Variants in ARHGAP22 observed in about 807,000 individuals in gnomAD.
The protein encoded by ARHGAP22 is Rho GTPase activating protein 22.
A neutral mutation model predicts 59.1 loss-of-function variants in ARHGAP22; 48 were observed. That is an observed-to-expected ratio of 0.81 (90% CI 0.64 to 1.03). ARHGAP22 has a LOEUF of 1.03. Ranked by LOEUF, ARHGAP22 falls within the 50% of genes least tolerant of loss-of-function variation. ARHGAP22 has a pLI of 0.00. For missense variants in ARHGAP22, 1,015 were observed against 958.7 expected (o/e 1.06, Z -0.78); for synonymous variants, 445 against 416.4 (o/e 1.07, Z -0.84).
At chr10:48,441,483 G>A (rs57521610), downstream of ARHGAP22, among the ~76,000 whole-genome samples, 540 of 143,320 alleles carry the variant, frequency 3.8e-3, 4 homozygotes, top group African/African-American at 0.011. Context: ...ACAGAGTCTC[G>A]CTCTGTCACC....
intron 4 of ARHGAP22, chr10:48,479,298 C>A: frequency 2.4e-6 from 1 of 411,680 alleles, no homozygotes; most frequent in Non-Finnish European, 4.3e-6. Flanking sequence ...CTGGACACCA[C>A]GAGACACATG....
intron 3 of ARHGAP22, among the ~76,000 whole-genome samples, chr10:48,548,962 C>G (rs765043607): frequency 6.6e-6 from 1 of 152,192 alleles, no homozygotes; most frequent in Non-Finnish European, 1.5e-5. Flanking sequence ...CACCGGCCCT[C>G]GGATCCCAGC....
chr10:48,455,095 C>A lies in ARHGAP22; in HGVS notation c.699G>T (p.Leu233=), dbSNP rs773839704. 2 of 1,612,096 alleles carry A rather than the reference C, an allele frequency of 1.2e-6. No homozygotes were observed. Among genetic ancestry groups the A allele is most frequent in the South Asian group, 1.1e-5 (1 of 90,936 alleles). ...DVHTVASLLK[L]YLRELPEPVV... is the part of the protein sequence containing the mutation. ...CGGGCTCGGGGAGCTCCCGCAGGTA[C>A]AGCTTCAGCAGGGAGGCCACCGTGT... The change falls in exon 6 of 10, where the codon CTG becomes CTT. Residue 233 remains leucine, a synonymous_variant. Transcript: ENST00000249601.
chr10:48,606,327 G>C (rs2060671459), upstream of ARHGAP22, among the ~76,000 whole-genome samples: 1 of 152,152 alleles, frequency 6.6e-6, no homozygotes, highest in East Asian at 1.9e-4. Context: ...CTATGGAGAG[G>C]GGAGGACTGC....
intron 5 of ARHGAP22, 49 bp downstream of exon 5, chr10:48,459,635 C>A (rs1411797600): frequency 1.2e-6 from 2 of 1,600,058 alleles, no homozygotes; most frequent in African/African-American, 2.7e-5. Flanking sequence ...GGAGCCCCTG[C>A]AGGAGGAATG....
intron 5 of ARHGAP22, among the ~76,000 whole-genome samples, chr10:48,458,595 G>A (rs1454954345): frequency 6.6e-6 from 1 of 152,180 alleles, no homozygotes; most frequent in South Asian, 2.1e-4. Flanking sequence ...CAGGCACTAG[G>A]GCAGAGCATC....
intron 2 of ARHGAP22, among the ~76,000 whole-genome samples, chr10:48,563,201 T>TTTTTTTTTTTG (rs2057808304): frequency 7.0e-6 from 1 of 143,406 alleles, no homozygotes; most frequent in Non-Finnish European, 1.5e-5. Flanking sequence ...TTTTTTTTTT[T>TTTTTTTTTTTG]TTTTTTTTTT....
At chr10:48,441,191 C>T (rs991875150), downstream of ARHGAP22, among the ~76,000 whole-genome samples, 2 of 152,156 alleles carry the variant, frequency 1.3e-5, no homozygotes, top group Admixed American at 1.3e-4. Context: ...GTGTTGTTTG[C>T]TTGTATGGCC....
At chr10:48,498,951 C>T (rs2051228693) in intron 3 of ARHGAP22, among the ~76,000 whole-genome samples, 1 of 151,718 alleles carries the variant, frequency 6.6e-6, no homozygotes, top group Admixed American at 6.6e-5. Context: ...CTTGGAGGGA[C>T]ATCTGAGAAA....
intron 3 of ARHGAP22, among the ~76,000 whole-genome samples, chr10:48,528,915 A>G (rs1017122213): frequency 3.9e-5 from 6 of 152,190 alleles, no homozygotes; most frequent in Non-Finnish European, 8.8e-5. Flanking sequence ...CCAGAAGCCA[A>G]GCAGATGTTA....
chr10:48,512,114 C>T (rs1325581069), intron 3 of ARHGAP22, among the ~76,000 whole-genome samples: 2 of 152,246 alleles, frequency 1.3e-5, no homozygotes, highest in Non-Finnish European at 2.9e-5. Flanking sequence ...TGTATCTGAC[C>T]TTTAACTTCT....
intron 3 of ARHGAP22, among the ~76,000 whole-genome samples, chr10:48,509,025 C>T (rs564270118): frequency 4.1e-4 from 62 of 152,342 alleles, no homozygotes; most frequent in African/African-American, 1.3e-3. Flanking sequence ...AGAATGCCCG[C>T]GGCTCTGAAA....
chr10:48,611,819 TTCC>T (rs2060898248), intron 1 of ARHGAP22, among the ~76,000 whole-genome samples: 1 of 13,308 alleles, frequency 7.5e-5, no homozygotes, highest in Admixed American at 7.3e-4. Flanking sequence ...TTCCCTTCCC[TTCC>T]CTTCCCTTCC....
At chr10:48,465,378 A>T (rs572119910) in intron 4 of ARHGAP22, among the ~76,000 whole-genome samples, 1 of 152,366 alleles carries the variant, frequency 6.6e-6, no homozygotes, top group Admixed American at 6.5e-5. Flanking sequence ...GAGGAAGCCC[A>T]GGCAGAGCAG....
intron 3 of ARHGAP22, among the ~76,000 whole-genome samples, chr10:48,550,844 C>T (rs1206358192): frequency 6.6e-6 from 1 of 152,212 alleles, no homozygotes; most frequent in Non-Finnish European, 1.5e-5. Flanking sequence ...CCTACCTTCC[C>T]TTTGAGTCGT....
At chr10:48,527,623 A>G (rs978799785) in intron 3 of ARHGAP22, among the ~76,000 whole-genome samples, 1 of 152,194 alleles carries the variant, frequency 6.6e-6, no homozygotes, top group African/African-American at 2.4e-5. Context: ...AAGAATGGGT[A>G]GTTTTCCCTA....
At chr10:48,570,340 G>A (rs1324830234) in intron 2 of ARHGAP22, among the ~76,000 whole-genome samples, 1 of 152,166 alleles carries the variant, frequency 6.6e-6, no homozygotes, top group Non-Finnish European at 1.5e-5. Context: ...AGCATTTCAA[G>A]TTGTCCCCCA....
At chr10:48,585,316 A>G (rs1447493024) in intron 1 of ARHGAP22, among the ~76,000 whole-genome samples, 2 of 152,162 alleles carry the variant, frequency 1.3e-5, no homozygotes, top group Non-Finnish European at 2.9e-5. Context: ...TTGATCACCA[A>G]TAAATGGTGT....
intron 1 of ARHGAP22, among the ~76,000 whole-genome samples, chr10:48,589,290 GC>G (rs1024168105): frequency 6.6e-5 from 10 of 152,016 alleles, no homozygotes; most frequent in Non-Finnish European, 7.4e-5. Context: ...CCTCTGCAGA[GC>G]CCAAATACCA....
Sources: gnomAD v4.1 joint callset for allele counts (sites outside exome capture counted in the v4.1 genomes callset) on GRCh38, gnomAD v4.1.1 for gene constraint, MANE v1.5 for transcripts, NCBI Gene and HGNC (gene_info 2026-07-23, HGNC 2026-07-21) for gene names.